The following BAG3 variants were observed in gnomAD, a reference collection of about 807,000 sequenced individuals.
The protein encoded by BAG3 is BAG family molecular chaperone regulator 3.
A neutral mutation model predicts 40.5 loss-of-function variants in BAG3; 14 were observed. The observed-to-expected ratio is 0.35, with a 90% CI of 0.23 to 0.54. The LOEUF is 0.54. BAG3 is among the 20% of genes least tolerant of loss of function. The pLI is 0.91. For synonymous variants in BAG3, 302 were observed against 307.8 expected, an observed-to-expected ratio of 0.98 and a Z score of 0.20; for missense variants, 788 against 758.6, an observed-to-expected ratio of 1.04 and a Z score of -0.46.
rs1847172477 is a variant in BAG3, at chr10:119,672,826, G to A, written c.909+170G>A. 1.3e-5 allele frequency among the ~76,000 whole-genome samples: 2 copies of A among 152,320 alleles called. No homozygotes were observed. The highest frequency in any genetic ancestry group is 4.1e-4 in the South Asian group (2 of 4,830). On this transcript the variant is annotated intron_variant, in intron 3 of 3. Coordinates refer to ENST00000369085, the MANE Select transcript of BAG3 (RefSeq NM_004281.4). This position sits in a 1 kb window ranked among gnomAD's most constrained non-coding sequence, Gnocchi z 4.8. ...TAGGTATTAACAGAAATGCAGGACA[G>A]TTGCTCAGGCTGTGAACCCTCCGCA...
chr10:119,673,929 G>T (rs930280338), intron 3 of BAG3, among the ~76,000 whole-genome samples: 1 of 152,142 alleles, frequency 6.6e-6, no homozygotes, highest in Non-Finnish European at 1.5e-5. Context: ...AGACATTCTC[G>T]TTCATAACCA....
chr10:119,654,218 T>C (rs1846880711), intron 1 of BAG3, among the ~76,000 whole-genome samples: 1 of 152,166 alleles, frequency 6.6e-6, no homozygotes, highest in Non-Finnish European at 1.5e-5. Flanking sequence ...GGCTTCTCAA[T>C]GCATAATGAG....
At chr10:119,675,790 C>CCCCCCTCCCTT (rs1847214073) in intron 3 of BAG3, among the ~76,000 whole-genome samples, 2 of 21,810 alleles carry the variant, frequency 9.2e-5, no homozygotes, top group South Asian at 2.1e-3. Context: ...CCCCTCCCTT[C>CCCCCCTCCCTT]CCCCCTTCCC....
rs926701784 is a variant in BAG3 at position 119,662,320 on chromosome 10, C to G, written c.181-7531C>G. On this transcript the variant is annotated intron_variant, in intron 1 of 3. Transcript: ENST00000369085. ...CTGACCTCAAGTGATCCGCCCGCCT[C>G]GGCCTCCCAAAGTCTTGGGATTACA... 2.0e-5 allele frequency among the ~76,000 whole-genome samples: 3 copies of G among 150,758 alleles called. No individual in the cohort carries two copies. In the Admixed American group the frequency reaches 2.0e-4, roughly 10 times the overall value.
Position 119,651,716 on chromosome 10 carries a change from C to T in BAG3, c.41C>T (p.Ser14Phe), listed in dbSNP as rs2134050488. ...ATHSPMMQVASGNGDRDPLPP... is the reference protein window; with the variant it reads ...ATHSPMMQVAFGNGDRDPLPP... ...CACTCGCCCATGATGCAGGTGGCGT[C>T]CGGCAACGGTGACCGCGACCCTTTG... Residue 14 changes from serine to phenylalanine, a missense_variant, in exon 1 of 4, where the codon TCC becomes TTC. Coordinates refer to ENST00000369085, the MANE Select transcript of BAG3 (RefSeq NM_004281.4). 6.3e-7 allele frequency: 1 copy of T among 1,595,378 alleles called. No individual in the cohort carries two copies. Among genetic ancestry groups the T allele is most frequent in the Non-Finnish European group, 8.5e-7 (1 of 1,171,738 alleles).
intron 2 of BAG3, among the ~76,000 whole-genome samples, chr10:119,670,581 G>A (rs1589629286): frequency 6.6e-6 from 1 of 152,296 alleles, no homozygotes; most frequent in Non-Finnish European, 1.5e-5. Flanking sequence ...CACAGAGATA[G>A]CTGTGCATTA....
At chr10:119,655,543 T>C (rs1013642134) in intron 1 of BAG3, among the ~76,000 whole-genome samples, 5 of 152,170 alleles carry the variant, frequency 3.3e-5, no homozygotes, top group African/African-American at 1.2e-4. Context: ...AAAGATGAGA[T>C]CGTTTTGCTC....
intron 3 of BAG3, among the ~76,000 whole-genome samples, chr10:119,675,778 T>TCCTTCCCTCCTTCCCCCCCCCTCCCTTC (rs1554877581): frequency 3.3e-5 from 2 of 61,484 alleles, no homozygotes; most frequent in African/African-American, 6.5e-5. Flanking sequence ...CCTCCTTCCC[T>TCCTTCCCTCCTTCCCCCCCCCTCCCTTC]CCCCCTCCCT....
intron 1 of BAG3, among the ~76,000 whole-genome samples, chr10:119,658,048 C>G (rs1379695158): frequency 6.6e-6 from 1 of 152,218 alleles, no homozygotes; most frequent in Non-Finnish European, 1.5e-5. Flanking sequence ...ACTGGGGAGA[C>G]TTTTTACGGA....
chr10:119,653,033 A>G (rs1846864980), intron 1 of BAG3, among the ~76,000 whole-genome samples: 1 of 152,096 alleles, frequency 6.6e-6, no homozygotes, highest in Non-Finnish European at 1.5e-5. Context: ...AGATTTAAAA[A>G]CTCACCAAAT....
intron 1 of BAG3, among the ~76,000 whole-genome samples, chr10:119,654,724 T>C (rs196336): frequency 0.57 from 87,231 of 152,142 alleles, 25,688 homozygotes; most frequent in Non-Finnish European, 0.64. Flanking sequence ...GTCCAGGCCC[T>C]TTCCTGGCAG....
intron 3 of BAG3, among the ~76,000 whole-genome samples, chr10:119,673,253 G>A (rs1462032196): frequency 6.6e-6 from 1 of 152,164 alleles, no homozygotes; most frequent in African/African-American, 2.4e-5. Flanking sequence ...CTCCCAACTT[G>A]TATGAGTTCA....
In BAG3 at chr10:119,672,775, C is replaced by A; in HGVS notation, c.909+119C>A. The A allele has an allele frequency of 7.0e-7, 1 of 1,419,190 alleles. No homozygotes were observed. Among genetic ancestry groups the A allele is most frequent in the Non-Finnish European group, 9.7e-7 (1 of 1,030,534 alleles). 87.9% of individuals were successfully genotyped at this position (1,419,190 alleles called of 1,614,324 possible). On this transcript the variant is annotated intron_variant, in intron 3 of 3. Coordinates refer to ENST00000369085, the MANE Select transcript of BAG3 (RefSeq NM_004281.4). The surrounding 1 kb of genome is among the most constrained non-coding windows in gnomAD (Gnocchi z 4.8). ...TGCCTATTTAACATGCGTGTACCTA[C>A]AGGCAAGTGAGATTCGAGAAATTGC...
rs375650805 is a variant in BAG3 at position 119,672,601 on chromosome 10, C to T, written c.854C>T (p.Thr285Met). Residue 285 changes from threonine (T) to methionine (M), a missense_variant, in exon 3 of 4, where the codon ACG becomes ATG. By Grantham distance (81) the Thr-to-Met change is moderately conservative. Coordinates refer to ENST00000369085, the MANE Select transcript of BAG3 (RefSeq NM_004281.4). This position sits in a 1 kb window ranked among gnomAD's most constrained non-coding sequence, Gnocchi z 4.8. ...SREGSPARSS[T>M]PLHSPSPIRV... ...GAGGGCTCACCAGCCAGGAGCAGCA[C>T]GCCACTCCACTCCCCCTCGCCCATC... 4.1e-5 allele frequency: 66 copies of T among 1,614,122 alleles called. No individual in the cohort carries two copies. Among genetic ancestry groups the T allele is most frequent in the East Asian group, 1.1e-4 (5 of 44,876 alleles).
At chr10:119,655,190 C>T (rs196337) in intron 1 of BAG3, among the ~76,000 whole-genome samples, 13,554 of 152,180 alleles carry the variant, frequency 0.089, 685 homozygotes, top group South Asian at 0.13. Context: ...TGGGGAAACT[C>T]CCCAGGTACG....
Position 119,671,526 on chromosome 10 carries a change from G to A in BAG3, c.508-729G>A, listed in dbSNP as rs115411859. ...GCTGGCAGCTCCCAGTTGCTCAGCC[G>A]AGTTCTCTGTAGATTGGCAGAGAAA... On this transcript the variant is annotated intron_variant, in intron 2 of 3. Transcript: ENST00000369085. Among the ~76,000 whole-genome samples, 1,478 of 152,264 alleles carry A rather than the reference G, an allele frequency of 9.7e-3. 23 individuals are homozygous for A. The highest frequency in any genetic ancestry group is 0.033 in the African/African-American group (1,388 of 41,552).
chr10:119,651,809 G>A lies in BAG3; in HGVS notation c.134G>A (p.Arg45His). ...GWPFFVDHNSRTTTWNDPRVP... is the reference protein window; with the variant it reads ...GWPFFVDHNSHTTTWNDPRVP... The stretch of plus-strand genomic sequence containing the variant: ...CCCTTCTTCGTGGACCACAACAGCC[G>A]CACCACTACGTGGAACGACCCGCGC... The change falls in exon 1 of 4, where the codon CGC (arginine) becomes CAC (histidine). Residue 45 changes from arginine to histidine, a missense_variant. Transcript: ENST00000369085. 1 of 1,597,660 alleles carries A rather than the reference G, an allele frequency of 6.3e-7. No homozygotes were observed. The highest frequency in any genetic ancestry group is 8.5e-7 in the Non-Finnish European group (1 of 1,172,844).
Position 119,676,497 on chromosome 10 carries a change from T to A in BAG3, c.943T>A (p.Ser315Thr), listed in dbSNP as rs761417402. 7 of 1,613,966 alleles carry A rather than the reference T, an allele frequency of 4.3e-6. No individual in the cohort carries two copies. The East Asian group carries it at 1.1e-4, about 26-fold the overall frequency. Residue 315 changes from serine to threonine, a missense_variant, in exon 4 of 4, where the codon TCC becomes ACC. Physicochemically the swap from Ser to Thr is moderately conservative, Grantham distance 58. Coordinates refer to ENST00000369085, the MANE Select transcript of BAG3 (RefSeq NM_004281.4). ...GACCCATCGAGAAACTGCACCTGTTTCCCAGCCTGAAAACAAACCAGAAAG... is the reference window on the plus strand; with the variant it reads ...GACCCATCGAGAAACTGCACCTGTTACCCAGCCTGAAAACAAACCAGAAAG... ...PMTHRETAPV[S>T]QPENKPESKP...
chr10:119,674,624 T>A (rs945101803), intron 3 of BAG3, among the ~76,000 whole-genome samples: 5 of 152,094 alleles, frequency 3.3e-5, no homozygotes, highest in African/African-American at 4.8e-5. Flanking sequence ...GAAATTAGGG[T>A]GAGATTTTAA....
Sources: gnomAD v4.1 joint callset for allele counts (sites outside exome capture counted in the v4.1 genomes callset) on GRCh38, gnomAD v4.1.1 for gene constraint, Gnocchi (gnomAD v3.1) non-coding constraint, MANE v1.5 for transcripts, NCBI Gene and HGNC (gene_info 2026-07-23, HGNC 2026-07-21) for gene names.